PUM2: variants seen among roughly 807,000 people sequenced by gnomAD.
PUM2 encodes the protein pumilio homolog 2.
PUM2 carries 57 observed loss-of-function variants against 124.5 expected under a neutral mutation model. The ratio of observed to expected loss-of-function variants is 0.46; its 90% CI spans 0.37 to 0.57. The LOEUF (loss-of-function observed/expected upper bound fraction) is 0.57, where lower values mean the gene tolerates loss of function less well. PUM2 is among the 20% of genes least tolerant of loss of function. PUM2 has a pLI of 0.00. For missense variants in PUM2, 1,065 were observed against 1,290.6 expected, an observed-to-expected ratio of 0.83 and a Z score of 2.68; for synonymous variants, 460 against 446.1, an observed-to-expected ratio of 1.03 and a Z score of -0.39.
At chr2:20,282,177 C>G (rs960618785) in intron 12 of PUM2, among the ~76,000 whole-genome samples, 4 of 152,208 alleles carry the variant, frequency 2.6e-5, no homozygotes, top group Non-Finnish European at 4.4e-5. Flanking sequence ...GGAAACCTCA[C>G]AGAAAACACC....
chr2:20,274,675 T>C (rs1310268334), intron 13 of PUM2, among the ~76,000 whole-genome samples: 2 of 151,560 alleles, frequency 1.3e-5, no homozygotes, highest in African/African-American at 2.4e-5. Flanking sequence ...AAGAAAAAAA[T>C]AGCTAGTTCA....
intron 14 of PUM2, among the ~76,000 whole-genome samples, chr2:20,260,722 A>G (rs897170052): frequency 2.0e-5 from 3 of 152,196 alleles, no homozygotes; most frequent in Non-Finnish European, 2.9e-5. Flanking sequence ...ATTATAATCA[A>G]TAAGAAAATT....
At chr2:20,349,520 T>G (rs1421557237) in intron 1 of PUM2, among the ~76,000 whole-genome samples, 3 of 148,858 alleles carry the variant, frequency 2.0e-5, no homozygotes, top group East Asian at 3.9e-4. Flanking sequence ...TCATTTTTGT[T>G]TTTTTTTTTT....
chr2:20,271,560 C>T (rs549869114), intron 13 of PUM2, among the ~76,000 whole-genome samples: 1 of 152,252 alleles, frequency 6.6e-6, no homozygotes, highest in East Asian at 1.9e-4. Flanking sequence ...GCAATACTCC[C>T]GCCTCAGCCT....
chr2:20,262,249 A>G (rs1468826250), intron 14 of PUM2, among the ~76,000 whole-genome samples: 1 of 152,256 alleles, frequency 6.6e-6, no homozygotes, highest in African/African-American at 2.4e-5. Context: ...TCACTCACTC[A>G]CCCGGAGCAA....
chr2:20,282,385 C>T (rs976795671), intron 12 of PUM2, among the ~76,000 whole-genome samples: 3 of 152,316 alleles, frequency 2.0e-5, no homozygotes, highest in African/African-American at 7.2e-5. Context: ...CAAAGGCTAA[C>T]TTATTTAATC....
rs187331515 is a variant in PUM2, at chr2:20,345,429, A to T, written c.-19+5168T>A. Among the ~76,000 whole-genome samples the T allele has an allele frequency of 9.9e-5, 15 of 151,880 alleles. No individual in the cohort carries two copies. In the East Asian group the frequency reaches 2.7e-3, roughly 27 times the overall value. The stretch of plus-strand genomic sequence containing the variant: ...CACACCACAGCACTTTTATAATACC[A>T]CCTCAGTGGCAGGCTAGCATGCTGC... On this transcript the variant is annotated intron_variant, in intron 1 of 20. Coordinates refer to ENST00000361078, the MANE Select transcript of PUM2 (RefSeq NM_015317.5).
intron 1 of PUM2, among the ~76,000 whole-genome samples, chr2:20,336,944 G>A (rs907829726): frequency 6.6e-6 from 1 of 151,742 alleles, no homozygotes; most frequent in Non-Finnish European, 1.5e-5. Flanking sequence ...ATTATTTTCT[G>A]TGATTTAAAA....
intron 1 of PUM2, among the ~76,000 whole-genome samples, chr2:20,349,272 G>C (rs1003472310): frequency 6.6e-6 from 1 of 152,132 alleles, no homozygotes; most frequent in Non-Finnish European, 1.5e-5. Flanking sequence ...AAATCCTCAA[G>C]AACCAGGTTT....
intron 2 of PUM2, among the ~76,000 whole-genome samples, chr2:20,322,257 T>C (rs1319046409): frequency 6.6e-6 from 1 of 152,030 alleles, no homozygotes; most frequent in Non-Finnish European, 1.5e-5. Flanking sequence ...TCACTCTACT[T>C]ATAATGGAAG....
rs549863319 is a variant in PUM2, at chr2:20,278,656, G to C, written c.1884C>G (p.Ser628Arg). The C allele has an allele frequency of 6.2e-7, 1 of 1,613,430 alleles. No homozygotes were observed. Among genetic ancestry groups the C allele is most frequent in the South Asian group, 1.1e-5 (1 of 91,070 alleles). Residue 628 changes from serine to arginine, a missense_variant, in exon 13 of 21, where the codon AGC (serine) becomes AGG (arginine). Ser to Arg is a moderately radical substitution (Grantham distance 110, BLOSUM62 -1). Transcript: ENST00000361078. Reference sequence around the variant, plus strand: ...GCGTAAGTGAATGTCCTGGAGTTTGGCTTGGCAGAGGCATGCCTATTGGAC... The same window carrying C: ...GCGTAAGTGAATGTCCTGGAGTTTGCCTTGGCAGAGGCATGCCTATTGGAC... ...SPSPIGMPLP[S>R]QTPGHSLTPP...
At position 20,326,531 on chromosome 2, in the gene PUM2, C is replaced by A. The variant is rs142143116; in HGVS notation, c.51+779G>T. On this transcript the variant is annotated intron_variant, in intron 2 of 20. Coordinates refer to ENST00000361078, the MANE Select transcript of PUM2 (RefSeq NM_015317.5). ...ATTATCAAAGTCTACGTTAGTAGTA[C>A]AGAACATGACAAAATACAGATGTCA... 4.9e-6 allele frequency: 3 copies of A among 612,638 alleles called. No individual in the cohort carries two copies. In the African/African-American group the frequency reaches 5.8e-5, roughly 12 times the overall value. The allele number at this position is 612,638 out of a possible 1,614,324, so 38.0% of individuals were successfully genotyped here.
rs760341757 is a variant in PUM2, at chr2:20,278,747, G to C, written c.1793C>G (p.Ser598Cys). Residue 598 changes from serine (S) to cysteine (C), a missense_variant, in exon 13 of 21, where the codon TCT becomes TGT. By Grantham distance (112) the Ser-to-Cys change is moderately radical (BLOSUM62 -1). Around this residue, in one of 3 missense-constraint regions of PUM2, gnomAD observed 968 missense variants for 1,159.8 expected, o/e 0.83. Coordinates refer to ENST00000361078, the MANE Select transcript of PUM2 (RefSeq NM_015317.5). ...CCCTATGGGTGCTAGGCTGCTACTA[G>C]ATCTTTTGTACAAGTCAGAGCTAGT... is the stretch of plus-strand genomic sequence containing the variant. ...LSTSSDLYKR[S>C]SSSLAPIGQP... 2.5e-6 allele frequency: 4 copies of C among 1,613,422 alleles called. No individual in the cohort carries two copies. In the East Asian group the frequency reaches 8.9e-5, roughly 36 times the overall value.
chr2:20,297,101 C>T (rs1033929958), intron 8 of PUM2, among the ~76,000 whole-genome samples: 2 of 152,172 alleles, frequency 1.3e-5, no homozygotes, highest in African/African-American at 4.8e-5. Flanking sequence ...CTTGTTTGTA[C>T]ATTTTAGCAT....
intron 20 of PUM2, among the ~76,000 whole-genome samples, chr2:20,252,496 C>T (rs2148370115): frequency 6.6e-6 from 1 of 152,236 alleles, no homozygotes; most frequent in Admixed American, 6.5e-5. Context: ...GGAAGGAATC[C>T]TAAGATATCA....
At chr2:20,339,767 C>A (rs1686866875) in intron 1 of PUM2, among the ~76,000 whole-genome samples, 1 of 152,146 alleles carries the variant, frequency 6.6e-6, no homozygotes, top group Non-Finnish European at 1.5e-5. Context: ...GTAATCCCAT[C>A]CTCTTGGGAG....
intron 1 of PUM2, among the ~76,000 whole-genome samples, chr2:20,333,293 T>C (rs1163783727): frequency 6.6e-6 from 1 of 152,062 alleles, no homozygotes; most frequent in African/African-American, 2.4e-5. Context: ...TAACACATTA[T>C]TGAGGCTATG....
intron 2 of PUM2, among the ~76,000 whole-genome samples, chr2:20,324,278 A>G (rs1683138156): frequency 6.6e-6 from 1 of 152,188 alleles, no homozygotes; most frequent in Non-Finnish European, 1.5e-5. Context: ...TCCCCTACCT[A>G]GTAAGTCTTC....
chr2:20,261,422 A>AAAAAAAAAAAAAAAAAC (rs1666230432), intron 14 of PUM2, among the ~76,000 whole-genome samples: 1 of 144,616 alleles, frequency 6.9e-6, no homozygotes, highest in Non-Finnish European at 1.5e-5. Flanking sequence ...AAAAAAAAAA[A>AAAAAAAAAAAAAAAAAC]GTGTAGTACA....
Sources: gnomAD v4.1 joint callset for allele counts (sites outside exome capture counted in the v4.1 genomes callset) on GRCh38, gnomAD v4.1.1 for gene constraint, gnomAD v4.1.1 regional missense constraint, MANE v1.5 for transcripts, NCBI Gene and HGNC (gene_info 2026-07-23, HGNC 2026-07-21) for gene names.